The following RSPO3 variants were observed in gnomAD, a reference collection of about 807,000 sequenced individuals.
RSPO3 encodes the protein R-spondin 3, also known as R-spondin-3.
RSPO3 carries 17 observed loss-of-function variants against 36.5 expected under a neutral mutation model. The observed-to-expected ratio is 0.47, with a 90% confidence interval of 0.32 to 0.70. The LOEUF (loss-of-function observed/expected upper bound fraction) is 0.70, where lower values mean the gene tolerates loss of function less well. RSPO3 is among the 30% of genes least tolerant of loss of function. The pLI is 0.04. For synonymous variants in RSPO3, 108 were observed against 107.0 expected (o/e 1.01, Z -0.06); for missense variants, 294 against 322.5 (o/e 0.91, Z 0.68).
intron 1 of RSPO3, among the ~76,000 whole-genome samples, chr6:127,143,108 A>G (rs1774312816): frequency 2.0e-5 from 3 of 151,836 alleles, no homozygotes; most frequent in Admixed American, 2.0e-4. Context: ...CATATTTATC[A>G]TTTTTTAAAA....
At chr6:127,121,704 A>C (rs988346612) in intron 1 of RSPO3, among the ~76,000 whole-genome samples, 6 of 152,208 alleles carry the variant, frequency 3.9e-5, no homozygotes, top group Admixed American at 1.3e-4. Flanking sequence ...CTGCATGTGC[A>C]CAAACTCAGA....
chr6:127,183,494 C>T lies in RSPO3; in HGVS notation c.635-12329C>T, dbSNP rs1489976025. 2.0e-5 allele frequency among the ~76,000 whole-genome samples: 3 copies of T among 151,924 alleles called. 1 individual carries two copies. Among genetic ancestry groups the T allele is most frequent in the African/African-American group, 7.2e-5 (3 of 41,398 alleles). On this transcript the variant is annotated intron_variant, in intron 4 of 4. Transcript: ENST00000356698. ...GGACACTGGGTAATCACAGCATGCC[C>T]GCATATGAGAGAGTAACACCAAAGC...
chr6:127,128,186 T>C (rs1453629071), intron 1 of RSPO3, among the ~76,000 whole-genome samples: 1 of 152,086 alleles, frequency 6.6e-6, no homozygotes, highest in Non-Finnish European at 1.5e-5. Context: ...GCTATTGTTA[T>C]CCAGAAAAAG....
intron 1 of RSPO3, among the ~76,000 whole-genome samples, chr6:127,129,433 T>C (rs1054411846): frequency 3.9e-5 from 6 of 152,000 alleles, no homozygotes; most frequent in Non-Finnish European, 2.9e-5. Flanking sequence ...TTTGGGATAA[T>C]ATGGGTTCCA....
At chr6:127,175,410 C>T (rs1171419865) in intron 4 of RSPO3, among the ~76,000 whole-genome samples, 3 of 151,688 alleles carry the variant, frequency 2.0e-5, no homozygotes, top group African/African-American at 7.3e-5. Context: ...GAAAAACATG[C>T]AGTTGTGTTA....
At chr6:127,149,031 C>A (rs1354902994) in intron 2 of RSPO3, among the ~76,000 whole-genome samples, 192 bp downstream of exon 2, 7 of 152,096 alleles carry the variant, frequency 4.6e-5, no homozygotes, top group Non-Finnish European at 8.8e-5. Flanking sequence ...AAAAAGCACT[C>A]ATGTTTTGGT....
At chr6:127,139,834 C>A (rs1362031127) in intron 1 of RSPO3, among the ~76,000 whole-genome samples, 1 of 152,224 alleles carries the variant, frequency 6.6e-6, no homozygotes, top group South Asian at 2.1e-4. Context: ...GAAGGGGAAG[C>A]TTTCCCTCTC....
chr6:127,183,143 A>G (rs1264981513), intron 4 of RSPO3, among the ~76,000 whole-genome samples: 1 of 151,972 alleles, frequency 6.6e-6, no homozygotes, highest in Non-Finnish European at 1.5e-5. Flanking sequence ...TCCCAACCTC[A>G]GGGAAACTCT....
At chr6:127,167,338 C>T (rs1184755636) in intron 4 of RSPO3, among the ~76,000 whole-genome samples, 1 of 151,974 alleles carries the variant, frequency 6.6e-6, no homozygotes, top group Non-Finnish European at 1.5e-5. Flanking sequence ...CATGCGTTCT[C>T]ATCGTTCAGC....
intron 3 of RSPO3, 37 bp downstream of exon 3, chr6:127,150,609 T>C (rs765788320): frequency 1.3e-6 from 2 of 1,584,666 alleles, no homozygotes; most frequent in Non-Finnish European, 1.7e-6. Flanking sequence ...TAAGTGATAA[T>C]GTCAGTCTCC....
At chr6:127,177,711 T>C (rs1364051324) in intron 4 of RSPO3, among the ~76,000 whole-genome samples, 2 of 151,840 alleles carry the variant, frequency 1.3e-5, no homozygotes, top group African/African-American at 2.4e-5. Flanking sequence ...TTTACTTTAT[T>C]TTCATAGCTT....
intron 4 of RSPO3, among the ~76,000 whole-genome samples, chr6:127,160,993 T>C (rs1774699802): frequency 6.6e-6 from 1 of 151,194 alleles, no homozygotes; most frequent in Non-Finnish European, 1.5e-5. Flanking sequence ...CCTTATTCCT[T>C]TTTTTTTTCT....
intron 4 of RSPO3, among the ~76,000 whole-genome samples, chr6:127,166,443 T>C (rs1315644155): frequency 6.6e-6 from 1 of 152,040 alleles, no homozygotes; most frequent in East Asian, 1.9e-4. Context: ...CCATGTGGTT[T>C]CAAATTTCAG....
At chr6:127,168,304 G>A (rs1162101922) in intron 4 of RSPO3, among the ~76,000 whole-genome samples, 1 of 152,120 alleles carries the variant, frequency 6.6e-6, no homozygotes, top group African/African-American at 2.4e-5. Flanking sequence ...TCTAACTGGT[G>A]TGAGATGGTT....
At chr6:127,191,194 A>G (rs961017745) in intron 4 of RSPO3, among the ~76,000 whole-genome samples, 1 of 152,236 alleles carries the variant, frequency 6.6e-6, no homozygotes, top group Non-Finnish European at 1.5e-5. Flanking sequence ...CAGTAAGTCA[A>G]AAACGTATTT....
At chr6:127,174,826 T>A (rs1456430781) in intron 4 of RSPO3, among the ~76,000 whole-genome samples, 1 of 151,828 alleles carries the variant, frequency 6.6e-6, no homozygotes, top group Non-Finnish European at 1.5e-5. Flanking sequence ...AGATTTTCAT[T>A]TGAAGTACCC....
intron 1 of RSPO3, among the ~76,000 whole-genome samples, chr6:127,137,406 A>AAATG (rs1334693806): frequency 5.9e-5 from 9 of 152,276 alleles, no homozygotes; most frequent in African/African-American, 2.2e-4. Flanking sequence ...ATAAATAAAT[A>AAATG]AATATCATTA....
At chr6:127,150,186 T>TATATATATATATATATACAC (rs775035980) in intron 2 of RSPO3, among the ~76,000 whole-genome samples, 1 of 149,546 alleles carries the variant, frequency 6.7e-6, no homozygotes, top group African/African-American at 2.5e-5. Context: ...TATATATATA[T>TATATATATATATATATACAC]ACACACACAC....
intron 4 of RSPO3, among the ~76,000 whole-genome samples, chr6:127,170,276 G>C (rs1441586987): frequency 4.6e-5 from 7 of 151,640 alleles, no homozygotes; most frequent in Non-Finnish European, 1.0e-4. Flanking sequence ...CTGCTCTGTT[G>C]AAATTGCATG....
Sources: allele counts gnomAD v4.1 joint callset (sites outside exome capture counted in the v4.1 genomes callset), GRCh38; gene constraint gnomAD v4.1.1; transcripts MANE v1.5; gene names NCBI Gene and HGNC (gene_info 2026-07-23, HGNC 2026-07-21).